MTMR7: variants seen among roughly 807,000 people sequenced by gnomAD.
The protein encoded by MTMR7 is myotubularin related protein 7.
A neutral mutation model predicts 81.2 loss-of-function variants in MTMR7; 76 were observed. The observed-to-expected ratio is 0.94, with a 90% CI of 0.78 to 1.13. MTMR7 has a LOEUF of 1.13. Among genes scored for constraint, MTMR7 ranks in the 50% most tolerant of loss-of-function variants. The pLI is 0.00. For missense variants in MTMR7, 1,044 were observed against 820.0 expected (o/e 1.27, Z -3.34); for synonymous variants, 372 against 289.8 (o/e 1.28, Z -2.88).
intron 3 of MTMR7, among the ~76,000 whole-genome samples, chr8:17,364,815 A>C (rs973915680): frequency 6.6e-6 from 1 of 152,196 alleles, no homozygotes; most frequent in Non-Finnish European, 1.5e-5. Context: ...CTCTTCATCC[A>C]ATGATGGATA....
intron 1 of MTMR7, among the ~76,000 whole-genome samples, chr8:17,397,168 C>G (rs1448823382): frequency 6.6e-6 from 1 of 151,628 alleles, no homozygotes; most frequent in African/African-American, 2.4e-5. Context: ...TGGAGAGAGA[C>G]TCCTTGTGCT....
At chr8:17,342,711 G>A (rs80033576) in intron 5 of MTMR7, among the ~76,000 whole-genome samples, 1,592 of 152,182 alleles carry the variant, frequency 0.01, 28 homozygotes, top group African/African-American at 0.037. Context: ...CTGCAGAGAC[G>A]GACAATCACT....
intron 10 of MTMR7, among the ~76,000 whole-genome samples, chr8:17,307,661 A>T (rs1273682641): frequency 6.6e-6 from 1 of 152,244 alleles, no homozygotes; most frequent in East Asian, 1.9e-4. Context: ...AATAGCCTGG[A>T]TTAAGAAAAT....
chr8:17,370,006 A>G (rs1820364222), intron 3 of MTMR7, among the ~76,000 whole-genome samples: 1 of 152,118 alleles, frequency 6.6e-6, no homozygotes, highest in African/African-American at 2.4e-5. Flanking sequence ...GAGAGGCAAG[A>G]AACACTTCTG....
rs553730953 is a variant in MTMR7 at position 17,343,289 on chromosome 8, G to C, written c.598-1792C>G. Among the ~76,000 whole-genome samples, 7 of 152,164 alleles carry C rather than the reference G, an allele frequency of 4.6e-5. No homozygotes were observed. In the East Asian group the frequency reaches 1.2e-3, roughly 25 times the overall value. ...TAAAAATACAACAAACATTAGGTGG[G>C]CATGGTGGTACACACATGCAATCCC... On this transcript the variant is annotated intron_variant, in intron 5 of 13. Coordinates refer to ENST00000180173, the MANE Select transcript of MTMR7 (RefSeq NM_004686.5).
At chr8:17,362,338 T>C (rs1447847479) in intron 3 of MTMR7, among the ~76,000 whole-genome samples, 1 of 152,232 alleles carries the variant, frequency 6.6e-6, no homozygotes, top group African/African-American at 2.4e-5. Flanking sequence ...TGAACAGCTA[T>C]CTGTGGCCAG....
At chr8:17,362,536 T>G (rs1029197965) in intron 3 of MTMR7, among the ~76,000 whole-genome samples, 1 of 152,238 alleles carries the variant, frequency 6.6e-6, no homozygotes, top group Non-Finnish European at 1.5e-5. Flanking sequence ...ACTCCCTCCC[T>G]CAGAGTCACA....
At chr8:17,327,119 T>C (rs897621086) in intron 7 of MTMR7, among the ~76,000 whole-genome samples, 2 of 152,226 alleles carry the variant, frequency 1.3e-5, no homozygotes, top group African/African-American at 2.4e-5. Flanking sequence ...TTAGTACATA[T>C]AGTCTTCACA....
chr8:17,386,547 C>A (rs533517129), intron 1 of MTMR7, among the ~76,000 whole-genome samples: 1 of 152,292 alleles, frequency 6.6e-6, no homozygotes, highest in Non-Finnish European at 1.5e-5. Flanking sequence ...AGTGATAGGG[C>A]TGGCTTCAGA....
At chr8:17,392,379 C>T (rs7463636) in intron 1 of MTMR7, among the ~76,000 whole-genome samples, 152,297 of 152,350 alleles carry the variant, frequency 1, 76,122 homozygotes, top group Non-Finnish European at 1. Context: ...TACAGTTTCA[C>T]GTCTTTATCA....
At position 17,381,047 on chromosome 8, in the gene MTMR7, T is replaced by C. The variant is rs551219397; in HGVS notation, c.25-7807A>G. On this transcript the variant is annotated intron_variant, in intron 1 of 13. Transcript: ENST00000180173. Reference sequence around the variant, plus strand: ...CTAATTCCATTCAAAAAGATGCCTATGTGTGGCACTGTGTCAGGTTCCGCA... The same window carrying C: ...CTAATTCCATTCAAAAAGATGCCTACGTGTGGCACTGTGTCAGGTTCCGCA... Among the ~76,000 whole-genome samples the C allele has an allele frequency of 2.3e-3, 355 of 152,252 alleles. 2 individuals carry two copies. Among genetic ancestry groups the C allele is most frequent in the Non-Finnish European group, 3.7e-3 (251 of 68,008 alleles).
chr8:17,374,241 T>C (rs1820503576), intron 1 of MTMR7, among the ~76,000 whole-genome samples: 1 of 152,212 alleles, frequency 6.6e-6, no homozygotes, highest in Admixed American at 6.5e-5. Context: ...ATCCCAGCAC[T>C]TTGGGAAGCC....
At chr8:17,331,802 C>G (rs1819017612) in intron 6 of MTMR7, among the ~76,000 whole-genome samples, 1 of 152,160 alleles carries the variant, frequency 6.6e-6, no homozygotes, top group Admixed American at 6.5e-5. Context: ...AAACCTTGAG[C>G]AGGAATTACT....
Position 17,373,181 on chromosome 8 carries a change from C to G in MTMR7, c.84G>C (p.Leu28Phe), listed in dbSNP as rs753634396. ...VSPKKAALGT[L>F]YLTATHVIFV... ...ATATGACATGGGTAGCCGTCAAATA[C>G]AAAGTACCTAGAGCTGCTTTTTTAG... Residue 28 changes from leucine to phenylalanine, a missense_variant, in exon 2 of 14, where the codon TTG becomes TTC. Physicochemically the swap from Leu to Phe is conservative, Grantham distance 22 (BLOSUM62 0). Coordinates refer to ENST00000180173, the MANE Select transcript of MTMR7 (RefSeq NM_004686.5). 1.5e-5 allele frequency: 25 copies of G among 1,613,744 alleles called. No homozygotes were observed. The highest frequency in any genetic ancestry group is 2.0e-5 in the Non-Finnish European group (24 of 1,179,772).
At chr8:17,410,549 C>CT (rs1020705136) in intron 1 of MTMR7, among the ~76,000 whole-genome samples, 8 of 152,112 alleles carry the variant, frequency 5.3e-5, no homozygotes, top group Non-Finnish European at 7.4e-5. Flanking sequence ...TGGTGTCCCC[C>CT]CTTTAACCCA....
intron 6 of MTMR7, among the ~76,000 whole-genome samples, chr8:17,332,677 T>C (rs1819066922): frequency 6.6e-6 from 1 of 152,186 alleles, no homozygotes; most frequent in African/African-American, 2.4e-5. Context: ...TGCACCATTG[T>C]AAAAAGCCAC....
chr8:17,316,429 T>C (rs538303957), intron 7 of MTMR7, among the ~76,000 whole-genome samples: 1 of 151,422 alleles, frequency 6.6e-6, no homozygotes, highest in Non-Finnish European at 1.5e-5. Flanking sequence ...TGTTGACAGT[T>C]GTTCCCTCCT....
In MTMR7 at chr8:17,305,927, T is replaced by A; in HGVS notation, c.1182A>T (p.Glu394Asp). 1 of 1,613,548 alleles carries A rather than the reference T, an allele frequency of 6.2e-7. No individual in the cohort carries two copies. Residue 394 changes from glutamate to aspartate, a missense_variant, in exon 11 of 14, where the codon GAA (glutamate) becomes GAT (aspartate). Coordinates refer to ENST00000180173, the MANE Select transcript of MTMR7 (RefSeq NM_004686.5). ...TGAACTGGTCAATAACTGGAGAGAT[T>A]TCTTTTGGGTCACCATCTAGATTGC... ...RYGNLDGDPK[E>D]ISPVIDQFIE... is the part of the protein sequence containing the mutation.
intron 3 of MTMR7, among the ~76,000 whole-genome samples, chr8:17,363,932 A>T (rs1366058564): frequency 1.4e-5 from 2 of 138,556 alleles, no homozygotes; most frequent in African/African-American, 2.6e-5. Context: ...GGGCTTGACA[A>T]TCCTTTTTTT....
Sources: gnomAD v4.1 joint callset for allele counts (sites outside exome capture counted in the v4.1 genomes callset) on GRCh38, gnomAD v4.1.1 for gene constraint, MANE v1.5 for transcripts, NCBI Gene and HGNC (gene_info 2026-07-23, HGNC 2026-07-21) for gene names.